Variants in CLSTN3 observed in about 807,000 individuals in gnomAD.
CLSTN3 encodes the protein calsyntenin-3.
A neutral mutation model predicts 95.9 loss-of-function variants in CLSTN3; 36 were observed. The observed-to-expected ratio is 0.38, with a 90% CI of 0.29 to 0.50. The LOEUF is 0.50. Ranked by LOEUF, CLSTN3 falls within the 20% of genes least tolerant of loss-of-function variation. The pLI, the probability that CLSTN3 is intolerant of heterozygous loss-of-function variation, is 0.95. For synonymous variants in CLSTN3, 481 were observed against 504.0 expected (o/e 0.95, Z 0.61); for missense variants, 1,084 against 1,268.8 (o/e 0.85, Z 2.21).
Position 7,130,434 on chromosome 12 carries a change from G to A in CLSTN3, c.-215G>A, listed in dbSNP as rs1283947849. The A allele has an allele frequency of 9.6e-6, 14 of 1,455,116 alleles. No individual in the cohort carries two copies. Among genetic ancestry groups the A allele is most frequent in the Non-Finnish European group, 1.2e-5 (13 of 1,105,250 alleles). The allele number at this position is 1,455,116 out of a possible 1,614,324, so 90.1% of individuals were successfully genotyped here. A position where few individuals can be genotyped will look rare whatever the true frequency, so the allele number is the denominator to read the frequency against. On this transcript the variant is annotated 5_prime_UTR_variant, in exon 1 of 18. Coordinates refer to ENST00000266546, the MANE Select transcript of CLSTN3 (RefSeq NM_014718.4). Reference sequence around the variant, plus strand: ...GAGGACGCTGGGCTGGGGGAAACGGGAAGCCGCTGCAAGTCCACCGCCTCA... The same window carrying A: ...GAGGACGCTGGGCTGGGGGAAACGGAAAGCCGCTGCAAGTCCACCGCCTCA...
intron 16 of CLSTN3, among the ~76,000 whole-genome samples, chr12:7,155,414 G>A (rs1023915429): frequency 6.6e-6 from 1 of 152,192 alleles, no homozygotes. Context: ...CAGGAGCTCG[G>A]AGGGACACTG....
chr12:7,135,881 G>A lies in CLSTN3; in HGVS notation c.670G>A (p.Gly224Arg), dbSNP rs758173254. ...GTTTACAGTGACAGCTTATGACTGTGGGAAGAAGCGGGCAGCAGATGATGC... is the reference window on the plus strand; with the variant it reads ...GTTTACAGTGACAGCTTATGACTGTAGGAAGAAGCGGGCAGCAGATGATGC... ...YKFTVTAYDC[G>R]KKRAADDAEV... The change falls in exon 5 of 18, where the codon GGG becomes AGG. Residue 224 changes from glycine (G) to arginine (R), a missense_variant. Gly to Arg is a moderately radical substitution (Grantham distance 125). Coordinates refer to ENST00000266546, the MANE Select transcript of CLSTN3 (RefSeq NM_014718.4). The A allele has an allele frequency of 6.2e-7, 1 of 1,614,106 alleles. No homozygotes were observed. The highest frequency in any genetic ancestry group is 8.5e-7 in the Non-Finnish European group (1 of 1,179,958).
rs112668971 is a variant in CLSTN3, at chr12:7,130,544, C to T, written c.-105C>T. ...CTTTCCGTCCCTGCCCTGCTGTACC[C>T]CGCTCCTTGGAGACCCCCTGTATCC... On this transcript the variant is annotated 5_prime_UTR_variant, in exon 1 of 18. Transcript: ENST00000266546. The T allele has an allele frequency of 1.1e-5, 17 of 1,545,820 alleles. No individual in the cohort carries two copies. In the African/African-American group the frequency reaches 1.9e-4, roughly 17 times the overall value.
intron 8 of CLSTN3, 127 bp downstream of exon 8, chr12:7,138,194 A>G (rs2135800442): frequency 1.6e-6 from 1 of 621,524 alleles, no homozygotes; most frequent in East Asian, 3.0e-5. Context: ...CTTCACTTTC[A>G]GCCCCTGACC....
At chr12:7,155,733 G>A (rs1252507357) in intron 16 of CLSTN3, among the ~76,000 whole-genome samples, 4 of 152,244 alleles carry the variant, frequency 2.6e-5, no homozygotes, top group Non-Finnish European at 5.9e-5. Flanking sequence ...AACCAGTGTC[G>A]AGGGAGTGTG....
chr12:7,144,416 C>A (rs1302330792), intron 12 of CLSTN3, among the ~76,000 whole-genome samples: 1 of 152,106 alleles, frequency 6.6e-6, no homozygotes, highest in Non-Finnish European at 1.5e-5. Flanking sequence ...CTATTGCTAG[C>A]TTTTTGGCAC....
rs761345333 is a variant in CLSTN3, at chr12:7,136,819, G to T, written c.929-10G>T. 16 of 1,612,076 alleles carry T rather than the reference G, an allele frequency of 9.9e-6. No individual in the cohort carries two copies. The highest frequency in any genetic ancestry group is 4.5e-5 in the East Asian group (2 of 44,826). On this transcript the variant is annotated splice_polypyrimidine_tract_variant and intron_variant, in intron 6 of 17. Coordinates refer to ENST00000266546, the MANE Select transcript of CLSTN3 (RefSeq NM_014718.4). ...GGCTCTGACACTTGTGCCTCCTGGG[G>T]CTCCCACAGGTGCTGCCACTGGGGA...
rs370583575 is a variant in CLSTN3 at position 7,150,907 on chromosome 12, T to C, written c.2392-21T>C. The C allele has an allele frequency of 1.3e-6, 2 of 1,566,328 alleles. No homozygotes were observed. The highest frequency in any genetic ancestry group is 1.2e-5 in the South Asian group (1 of 84,442). On this transcript the variant is annotated intron_variant, in intron 15 of 17. Transcript: ENST00000266546. This position sits in a 1 kb window ranked among gnomAD's most constrained non-coding sequence, Gnocchi z 4.0. Reference sequence around the variant, plus strand: ...GACCTGGGAGAAGCGTGTGTGCCCATGGAGCCCTCCCTCTGCCCAGGTCAA... The same window carrying C: ...GACCTGGGAGAAGCGTGTGTGCCCACGGAGCCCTCCCTCTGCCCAGGTCAA...
At chr12:7,130,310 C>CT (rs1555167709), upstream of CLSTN3, 1 of 815,310 alleles carries the variant, frequency 1.2e-6, no homozygotes, top group South Asian at 2.3e-5. Flanking sequence ...TGGTCCCCCC[C>CT]CCTCCCAGTC....
chr12:7,141,381 T>C lies in CLSTN3; in HGVS notation c.1463T>C (p.Leu488Pro). 4 of 1,614,188 alleles carry C rather than the reference T, an allele frequency of 2.5e-6. No individual in the cohort carries two copies. Among genetic ancestry groups the C allele is most frequent in the Non-Finnish European group, 3.4e-6 (4 of 1,180,038 alleles). ...CACCCACCCCGAAGGGAGCCTGCTCTCATGATTGGGGCCTGCTGGACTGGT... is the reference window on the plus strand; with the variant it reads ...CACCCACCCCGAAGGGAGCCTGCTCCCATGATTGGGGCCTGCTGGACTGGT... ...LIHPPRREPALMIGACWTEEK... is the reference protein window; with the variant it reads ...LIHPPRREPAPMIGACWTEEK... The change falls in exon 9 of 18, where the codon CTC becomes CCC. Residue 488 changes from leucine (L) to proline (P), a missense_variant. By Grantham distance (98) the Leu-to-Pro change is moderately conservative. Transcript: ENST00000266546. The surrounding 1 kb of genome is among the most constrained non-coding windows in gnomAD (Gnocchi z 4.1).
Position 7,157,888 on chromosome 12 carries a change from C to T in CLSTN3, c.2731-53C>T. ...GGAAGTGTGGTCCCTGAAAGAGAGG[C>T]TGGGATGTGTGCAGGCCATTGATCC... On this transcript the variant is annotated intron_variant, in intron 17 of 17. Coordinates refer to ENST00000266546, the MANE Select transcript of CLSTN3 (RefSeq NM_014718.4). This position sits in a 1 kb window ranked among gnomAD's most constrained non-coding sequence, Gnocchi z 5.9. 1.9e-6 allele frequency: 3 copies of T among 1,543,970 alleles called. No individual in the cohort carries two copies. Among genetic ancestry groups the T allele is most frequent in the Non-Finnish European group, 1.7e-6 (2 of 1,145,994 alleles).
In CLSTN3 at chr12:7,150,418, C is replaced by T; in HGVS notation, c.2246-126C>T. On this transcript the variant is annotated intron_variant, in intron 14 of 17. Coordinates refer to ENST00000266546, the MANE Select transcript of CLSTN3 (RefSeq NM_014718.4). This position sits in a 1 kb window ranked among gnomAD's most constrained non-coding sequence, Gnocchi z 4.0. ...CTCCCTTCGACCTCAGGTCGCACTTCTGCGGAGATGGGGCTGACCTGCTCT... is the reference window on the plus strand; with the variant it reads ...CTCCCTTCGACCTCAGGTCGCACTTTTGCGGAGATGGGGCTGACCTGCTCT... 1 of 1,157,954 alleles carries T rather than the reference C, an allele frequency of 8.6e-7. No individual in the cohort carries two copies. Among genetic ancestry groups the T allele is most frequent in the Non-Finnish European group, 1.2e-6 (1 of 839,516 alleles). 71.7% of individuals were successfully genotyped at this position (1,157,954 alleles called of 1,614,324 possible). A position where few individuals can be genotyped will look rare whatever the true frequency, so the allele number is the denominator to read the frequency against.
Position 7,141,252 on chromosome 12 carries a change from A to T in CLSTN3, c.1334A>T (p.Asp445Val). 6.2e-7 allele frequency: 1 copy of T among 1,613,926 alleles called. No homozygotes were observed. Among genetic ancestry groups the T allele is most frequent in the Non-Finnish European group, 8.5e-7 (1 of 1,179,954 alleles). Residue 445 changes from aspartate (D) to valine (V), a missense_variant, in exon 9 of 18, where the codon GAT becomes GTT. Physicochemically the swap from Asp to Val is radical, Grantham distance 152. Transcript: ENST00000266546. This position sits in a 1 kb window ranked among gnomAD's most constrained non-coding sequence, Gnocchi z 4.1. ...ACCCTACTCTCCCAGGTCTGTGATG[A>T]TGAGTGGCACCACTACGCTCTGAAC... ...FLWKLEQVCD[D>V]EWHHYALNLE...
In CLSTN3 at chr12:7,130,669, C is replaced by T. The variant is rs777597677; in HGVS notation, c.21C>T (p.Pro7=). The stretch of plus-strand genomic sequence containing the variant: ...GCACCATGACCCTCCTGCTGCTGCC[C>T]CTTCTGCTGGCCTCTCTGCTCGCGT... MTLLLL[P]LLLASLLASC... The change falls in exon 1 of 18, where the codon CCC becomes CCT. Residue 7 remains proline, a synonymous_variant. Transcript: ENST00000266546. 3.2e-6 allele frequency: 5 copies of T among 1,573,798 alleles called. No homozygotes were observed. The highest frequency in any genetic ancestry group is 2.0e-4 in the Middle Eastern group (1 of 5,084).
rs1485339188 is a variant in CLSTN3 at position 7,141,062 on chromosome 12, AT to A, written c.1324-176del. Among the ~76,000 whole-genome samples the A allele has an allele frequency of 6.6e-6, 1 of 152,208 alleles. No individual in the cohort carries two copies. Among genetic ancestry groups the A allele is most frequent in the Non-Finnish European group, 1.5e-5 (1 of 68,030 alleles). On this transcript the variant is annotated intron_variant, in intron 8 of 17. Coordinates refer to ENST00000266546, the MANE Select transcript of CLSTN3 (RefSeq NM_014718.4). This position sits in a 1 kb window ranked among gnomAD's most constrained non-coding sequence, Gnocchi z 4.1. ...TGCTACTAGGTTGGTTGCCTGATAG[AT>A]TTTGGACAAGGATGTTATTCCTCGA...
chr12:7,136,322 C>T lies in CLSTN3; in HGVS notation c.859C>T (p.Gln287Ter), dbSNP rs1435394393. The T allele has an allele frequency of 6.2e-7, 1 of 1,614,084 alleles. No homozygotes were observed. Among genetic ancestry groups the T allele is most frequent in the Non-Finnish European group, 8.5e-7 (1 of 1,180,036 alleles). The change falls in exon 6 of 18, where the codon CAG becomes TAG. Residue 287 changes from glutamine to a stop codon, truncating the protein, a stop_gained. Coordinates refer to ENST00000266546, the MANE Select transcript of CLSTN3 (RefSeq NM_014718.4). LOFTEE classifies it high-confidence loss of function. ...LWNIQATIEL[Q>*]TSHVAKGCDR... is the part of the protein sequence containing the mutation. ...GAACATTCAGGCCACCATAGAGCTG[C>T]AGACCAGCCATGTGGCCAAGGGCTG... is the stretch of plus-strand genomic sequence containing the variant.
At chr12:7,134,216 A>G (rs1234775068) in intron 3 of CLSTN3, among the ~76,000 whole-genome samples, 4 of 152,170 alleles carry the variant, frequency 2.6e-5, no homozygotes, top group Admixed American at 2.6e-4. Context: ...CTCAGCATGC[A>G]TCCAGTTCCC....
rs1386449709 is a variant in CLSTN3 at position 7,141,966 on chromosome 12, A to G, written c.1487-120A>G. On this transcript the variant is annotated intron_variant, in intron 9 of 17. Coordinates refer to ENST00000266546, the MANE Select transcript of CLSTN3 (RefSeq NM_014718.4). This position sits in a 1 kb window ranked among gnomAD's most constrained non-coding sequence, Gnocchi z 4.1. ...GCAAGTTATACATGGGCAGGGTCAG[A>G]ATCCCATGTGGGCATGAGAGCACTC... The G allele has an allele frequency of 1.3e-6, 1 of 747,906 alleles. No individual in the cohort carries two copies. The highest frequency in any genetic ancestry group is 2.7e-5 in the East Asian group (1 of 36,730). 46.3% of individuals were successfully genotyped at this position (747,906 alleles called of 1,614,324 possible). A position where few individuals can be genotyped will look rare whatever the true frequency, so the allele number is the denominator to read the frequency against.
In CLSTN3 at chr12:7,130,372, T is replaced by C; in HGVS notation, c.-277T>C. The C allele has an allele frequency of 7.6e-7, 1 of 1,322,420 alleles. No individual in the cohort carries two copies. The highest frequency in any genetic ancestry group is 9.7e-7 in the Non-Finnish European group (1 of 1,028,436). The allele number at this position is 1,322,420 out of a possible 1,614,324, so 81.9% of individuals were successfully genotyped here. A position where few individuals can be genotyped will look rare whatever the true frequency, so the allele number is the denominator to read the frequency against. On this transcript the variant is annotated 5_prime_UTR_variant, in exon 1 of 18. Coordinates refer to ENST00000266546, the MANE Select transcript of CLSTN3 (RefSeq NM_014718.4). ...TCGTTGCCCGGCTGTGCTGACGTCA[T>C]CCTGCAGTAGCGGGGTTGGGGTGGG...
Sources: allele counts gnomAD v4.1 joint callset (sites outside exome capture counted in the v4.1 genomes callset), GRCh38; gene constraint gnomAD v4.1.1; non-coding constraint Gnocchi (gnomAD v3.1); transcripts MANE v1.5; gene names NCBI Gene and HGNC (gene_info 2026-07-23, HGNC 2026-07-21).